Variants in TEK observed in about 807,000 individuals in gnomAD.
TEK encodes TEK receptor tyrosine kinase, also known as angiopoietin-1 receptor.
Under a neutral mutation model 131.8 loss-of-function variants are expected in TEK, and 43 were observed. The ratio of observed to expected loss-of-function variants is 0.33; its 90% CI spans 0.26 to 0.42. TEK has a LOEUF of 0.42. TEK is among the 10% of genes least tolerant of loss of function. The pLI, the probability that TEK is intolerant of heterozygous loss-of-function variation, is 1.00. For synonymous variants in TEK, 580 were observed against 491.6 expected (o/e 1.18, Z -2.38); for missense variants, 1,162 against 1,384.4 (o/e 0.84, Z 2.55).
intron 1 of TEK, among the ~76,000 whole-genome samples, chr9:27,140,993 C>T (rs902336699): frequency 6.6e-6 from 1 of 151,610 alleles, no homozygotes; most frequent in Non-Finnish European, 1.5e-5. Flanking sequence ...TTAATTTATT[C>T]GTTAAGTTCT....
intron 14 of TEK, among the ~76,000 whole-genome samples, chr9:27,205,790 A>G (rs1447150171): frequency 6.6e-6 from 1 of 152,190 alleles, no homozygotes; most frequent in African/African-American, 2.4e-5. Flanking sequence ...ACCAGACTTT[A>G]TCAATTCTGT....
At chr9:27,138,574 T>C (rs1037165699) in intron 1 of TEK, among the ~76,000 whole-genome samples, 3 of 152,248 alleles carry the variant, frequency 2.0e-5, no homozygotes, top group Admixed American at 6.5e-5. Context: ...GCTTCACCTC[T>C]CACTTTTAAA....
intron 1 of TEK, among the ~76,000 whole-genome samples, chr9:27,124,379 T>TGC (rs1821910242): frequency 6.6e-6 from 1 of 152,250 alleles, no homozygotes; most frequent in Non-Finnish European, 1.5e-5. Context: ...TGGATGACTC[T>TGC]GCGCACATAT....
chr9:27,137,140 T>C (rs142432919), intron 1 of TEK, among the ~76,000 whole-genome samples: 3,376 of 152,186 alleles, frequency 0.022, 50 homozygotes, highest in Middle Eastern at 0.051. Flanking sequence ...ATGGTGTCGA[T>C]CTCTTAACCT....
intron 1 of TEK, among the ~76,000 whole-genome samples, chr9:27,124,703 C>T (rs2131048452): frequency 6.6e-6 from 1 of 152,340 alleles, no homozygotes; most frequent in East Asian, 1.9e-4. Context: ...AAATATGCAG[C>T]ATGATAGTAC....
intron 18 of TEK, among the ~76,000 whole-genome samples, chr9:27,216,736 C>G (rs1301508995): frequency 6.6e-6 from 1 of 152,116 alleles, no homozygotes; most frequent in Non-Finnish European, 1.5e-5. Context: ...TAGGGCAGGG[C>G]TGGTCTCATA....
rs1276566506 is a variant in TEK at position 27,183,593 on chromosome 9, G to T, written c.1165G>T (p.Asp389Tyr). The change falls in exon 8 of 23, where the codon GAT (aspartate) becomes TAT (tyrosine). Residue 389 changes from aspartate to tyrosine, a missense_variant. Transcript: ENST00000380036. ...TGAAGAAATGACCCTGGTGAAGCCG[G>T]ATGGGACAGTGCTCCATGTAAGAGC... ...TNEEMTLVKP[D>Y]GTVLHPKDFN... is the part of the protein sequence containing the mutation. 6.2e-7 allele frequency: 1 copy of T among 1,613,724 alleles called. No individual in the cohort carries two copies. Among genetic ancestry groups the T allele is most frequent in the Non-Finnish European group, 8.5e-7 (1 of 1,179,824 alleles).
chr9:27,226,629 C>G (rs994000047), intron 21 of TEK, among the ~76,000 whole-genome samples: 3 of 152,038 alleles, frequency 2.0e-5, no homozygotes, highest in Admixed American at 6.6e-5. Context: ...ATGTAGATGA[C>G]AGGTTGATGG....
intron 13 of TEK, 116 bp from the exon 14 acceptor site, chr9:27,204,795 G>T (rs1825344853): frequency 2.9e-6 from 4 of 1,368,198 alleles, no homozygotes; most frequent in African/African-American, 1.4e-5. Context: ...TGGTTAGGTG[G>T]CAGGGTTAAG....
intron 21 of TEK, among the ~76,000 whole-genome samples, chr9:27,224,731 A>G (rs1454783297): frequency 6.6e-6 from 1 of 152,198 alleles, no homozygotes; most frequent in Non-Finnish European, 1.5e-5. Flanking sequence ...CCTCCTGTTC[A>G]ACGTAGGATT....
intron 11 of TEK, among the ~76,000 whole-genome samples, chr9:27,193,720 A>T (rs1416053904): frequency 6.6e-6 from 1 of 152,196 alleles, no homozygotes; most frequent in Admixed American, 6.5e-5. Context: ...AAGAATTATC[A>T]TCTTCCCTAT....
chr9:27,185,095 G>A (rs1051699046), intron 8 of TEK, among the ~76,000 whole-genome samples: 2 of 151,544 alleles, frequency 1.3e-5, no homozygotes, highest in Non-Finnish European at 2.9e-5. Flanking sequence ...GATTTTTCCA[G>A]TACTCCCCAC....
chr9:27,158,975 A>T (rs1280175218), intron 2 of TEK, among the ~76,000 whole-genome samples: 1 of 152,188 alleles, frequency 6.6e-6, no homozygotes, highest in Non-Finnish European at 1.5e-5. Context: ...TCAATTTTCT[A>T]TTGCCACAAT....
chr9:27,158,251 A>T, intron 2 of TEK, 109 bp downstream of exon 2: 3 of 1,263,312 alleles, frequency 2.4e-6, no homozygotes, highest in Non-Finnish European at 3.4e-6. Flanking sequence ...CTGAATGTAG[A>T]GCTTGACGAT....
At chr9:27,161,603 C>T (rs1823551763) in intron 2 of TEK, among the ~76,000 whole-genome samples, 1 of 152,204 alleles carries the variant, frequency 6.6e-6, no homozygotes, top group Admixed American at 6.5e-5. Flanking sequence ...ATCATTCTCA[C>T]TTAATGTTAG....
intron 1 of TEK, among the ~76,000 whole-genome samples, chr9:27,114,416 CA>C (rs1292586395): frequency 2.0e-5 from 3 of 151,972 alleles, no homozygotes; most frequent in African/African-American, 7.2e-5. Context: ...ACTAAAAATA[CA>C]AAAGTTAGCT....
At chr9:27,121,577 A>G (rs955787355) in intron 1 of TEK, among the ~76,000 whole-genome samples, 2 of 151,334 alleles carry the variant, frequency 1.3e-5, no homozygotes, top group African/African-American at 2.4e-5. Context: ...TTATTTACAT[A>G]TATAAACATT....
chr9:27,125,350 C>T (rs912614280), intron 1 of TEK, among the ~76,000 whole-genome samples: 1 of 152,212 alleles, frequency 6.6e-6, no homozygotes, highest in Non-Finnish European at 1.5e-5. Flanking sequence ...TGGAATCAAA[C>T]AAAAGACAGT....
chr9:27,171,272 C>T (rs182277311), intron 4 of TEK, among the ~76,000 whole-genome samples: 1 of 152,264 alleles, frequency 6.6e-6, no homozygotes, highest in African/African-American at 2.4e-5. Context: ...ATATTGAAGT[C>T]TTCAGGTCTA....
Sources: gnomAD v4.1 joint callset for allele counts (sites outside exome capture counted in the v4.1 genomes callset) on GRCh38, gnomAD v4.1.1 for gene constraint, MANE v1.5 for transcripts, NCBI Gene and HGNC (gene_info 2026-07-23, HGNC 2026-07-21) for gene names.